COLEC10: variants seen among roughly 807,000 people sequenced by gnomAD.
The protein encoded by COLEC10 is collectin subfamily member 10.
A neutral mutation model predicts 28.4 loss-of-function variants in COLEC10; 22 were observed. The ratio of observed to expected loss-of-function variants is 0.78; its 90% CI spans 0.55 to 1.11. The LOEUF (loss-of-function observed/expected upper bound fraction) is 1.11. Among genes scored for constraint, COLEC10 ranks in the 50% least tolerant of loss-of-function variants. The pLI is 0.00. For missense variants in COLEC10, 361 were observed against 344.1 expected (o/e 1.05, Z -0.39); for synonymous variants, 125 against 116.1 (o/e 1.08, Z -0.49).
chr8:119,070,114 A>G, intron 1 of COLEC10, among the ~76,000 whole-genome samples: 1 of 152,150 alleles, frequency 6.6e-6, no homozygotes, highest in Non-Finnish European at 1.5e-5. Flanking sequence ...GGTTTAGTGG[A>G]AAGAAAGGCA....
chr8:118,959,840 T>C, the COLEC10 span, among the ~76,000 whole-genome samples: 2 of 152,228 alleles, frequency 1.3e-5, no homozygotes, highest in African/African-American at 4.8e-5. Context: ...CTTCCTTGAC[T>C]TCTATCTAGT....
chr8:119,097,260 T>G (rs570102279), intron 3 of COLEC10, among the ~76,000 whole-genome samples: 1 of 152,078 alleles, frequency 6.6e-6, no homozygotes, highest in Admixed American at 6.6e-5. Flanking sequence ...TTGTGTTTTT[T>G]TTTCAGTAAG....
rs1813789756 is a variant in COLEC10 at position 119,006,080 on chromosome 8, C to T, written n.123-3361C>T. On this transcript the variant is annotated intron_variant and non_coding_transcript_variant, in intron 1 of 6. Transcript: ENST00000521788. ...TCATTAATGTGACAGTGCCCTAAAT[C>T]TTTGTGGAGTTCATTTTCTACCCTC... Among the ~76,000 whole-genome samples, 3 of 152,024 alleles carry T rather than the reference C, an allele frequency of 2.0e-5. 1 individual carries two copies. In the South Asian group the frequency reaches 6.2e-4, roughly 32 times the overall value.
At chr8:119,097,706 G>T (rs1387385499) in intron 3 of COLEC10, among the ~76,000 whole-genome samples, 6 of 152,002 alleles carry the variant, frequency 3.9e-5, no homozygotes, top group Non-Finnish European at 7.4e-5. Flanking sequence ...AGACAGAAAG[G>T]TATAGCAGGA....
intron 2 of COLEC10, among the ~76,000 whole-genome samples, chr8:119,022,325 A>G (rs1354157493): frequency 6.6e-6 from 1 of 152,132 alleles, no homozygotes; most frequent in Non-Finnish European, 1.5e-5. Context: ...TCCCATAGTC[A>G]AGTATTTGTG....
At chr8:119,054,507 C>T (rs576601122) in intron 2 of COLEC10, among the ~76,000 whole-genome samples, 8 of 151,998 alleles carry the variant, frequency 5.3e-5, no homozygotes, top group East Asian at 3.9e-4. Context: ...GCAGAGATGC[C>T]GTGGGGCTGG....
intron 1 of COLEC10, among the ~76,000 whole-genome samples, chr8:118,997,646 A>G (rs571181838): frequency 6.6e-5 from 10 of 152,160 alleles, no homozygotes; most frequent in Non-Finnish European, 1.3e-4. Context: ...ACTGATTCTG[A>G]AGGCTATTCT....
chr8:118,969,513 A>C, the COLEC10 span, among the ~76,000 whole-genome samples: 1,695 of 152,082 alleles, frequency 0.011, 35 homozygotes, highest in African/African-American at 0.039. Context: ...CATCTGATCT[A>C]TACTACGCCT....
intron 1 of COLEC10, among the ~76,000 whole-genome samples, chr8:118,998,015 A>G (rs890670697): frequency 2.0e-5 from 3 of 152,242 alleles, no homozygotes; most frequent in Non-Finnish European, 4.4e-5. Context: ...AATGTTCAAC[A>G]TATGATCAAT....
chr8:119,105,819 A>G lies in COLEC10; in HGVS notation c.462A>G (p.Glu154=), dbSNP rs757232356. The stretch of plus-strand genomic sequence containing the variant: ...CTGCAGTGATAGCAGGGATTAGGGA[A>G]ACTGAAGAGAAATTCTACTACATCG... ...FVKNVIAGIR[E]TEEKFYYIVQ... is the part of the protein sequence containing the mutation. The change falls in exon 6 of 6, where the codon GAA becomes GAG. Residue 154 remains glutamate (E), a synonymous_variant. Transcript: ENST00000332843. 9 of 1,612,182 alleles carry G rather than the reference A, an allele frequency of 5.6e-6. No homozygotes were observed. The South Asian group carries it at 9.9e-5, about 18-fold the overall frequency.
At chr8:118,994,112 A>G (rs545965515), upstream of COLEC10, among the ~76,000 whole-genome samples, 3 of 152,282 alleles carry the variant, frequency 2.0e-5, no homozygotes, top group Admixed American at 6.5e-5. Flanking sequence ...GTCTGAATAC[A>G]ATAGCTTGGA....
chr8:118,990,896 GAGC>G (rs1813495051), upstream of COLEC10, among the ~76,000 whole-genome samples: 2 of 151,490 alleles, frequency 1.3e-5, no homozygotes, highest in African/African-American at 4.9e-5. Flanking sequence ...GAACATGAAG[GAGC>G]AGGAATATAA....
chr8:118,955,947 T>C, the COLEC10 span, among the ~76,000 whole-genome samples: 1 of 152,222 alleles, frequency 6.6e-6, no homozygotes, highest in Non-Finnish European at 1.5e-5. Context: ...CTTAATCACT[T>C]TGGACTATTA....
chr8:119,091,094 C>T, intron 2 of COLEC10, 55 bp from the exon 3 acceptor site: 1 of 1,394,174 alleles, frequency 7.2e-7, no homozygotes, highest in East Asian at 2.3e-5. Flanking sequence ...ACATTAGCCA[C>T]ATTTCAAGGG....
chr8:119,030,605 C>T (rs1814270936), intron 2 of COLEC10, among the ~76,000 whole-genome samples: 1 of 152,176 alleles, frequency 6.6e-6, no homozygotes, highest in South Asian at 2.1e-4. Context: ...CCTCCACATG[C>T]CTCAGTTTTC....
the COLEC10 span, among the ~76,000 whole-genome samples, chr8:118,957,247 A>G: frequency 2.6e-5 from 4 of 152,242 alleles, no homozygotes; most frequent in Non-Finnish European, 5.9e-5. Flanking sequence ...TGAAGCTTAC[A>G]GTCAAGCTGG....
At chr8:118,994,888 C>T (rs1813564096), upstream of COLEC10, among the ~76,000 whole-genome samples, 1 of 152,190 alleles carries the variant, frequency 6.6e-6, no homozygotes, top group African/African-American at 2.4e-5. Context: ...ATTTAATATA[C>T]ATGAGTTCAC....
At chr8:118,970,552 C>A in the COLEC10 span, among the ~76,000 whole-genome samples, 1 of 151,718 alleles carries the variant, frequency 6.6e-6, no homozygotes, top group African/African-American at 2.4e-5. Flanking sequence ...CAAATGAGAT[C>A]ATATCTGTCA....
At chr8:119,035,976 C>G (rs984673498) in intron 2 of COLEC10, among the ~76,000 whole-genome samples, 4 of 152,038 alleles carry the variant, frequency 2.6e-5, no homozygotes, top group African/African-American at 7.2e-5. Flanking sequence ...CTCTGAATGA[C>G]CACTATTTTG....
Sources: gnomAD v4.1 joint callset for allele counts (sites outside exome capture counted in the v4.1 genomes callset) on GRCh38, gnomAD v4.1.1 for gene constraint, MANE v1.5 for transcripts, NCBI Gene and HGNC (gene_info 2026-07-23, HGNC 2026-07-21) for gene names.